PGM5: variants seen among roughly 807,000 people sequenced by gnomAD.
PGM5 encodes the protein phosphoglucomutase-like protein 5.
In PGM5, 23 loss-of-function variants were observed where a neutral mutation model predicts 59.2. The ratio of observed to expected loss-of-function variants is 0.39; its 90% CI spans 0.28 to 0.55. PGM5 has a LOEUF of 0.55. Ranked by LOEUF, PGM5 falls within the 20% of genes least tolerant of loss-of-function variation. The pLI is 0.66. For synonymous variants in PGM5, 214 were observed against 286.0 expected, an observed-to-expected ratio of 0.75 and a Z score of 2.54; for missense variants, 574 against 748.3, an observed-to-expected ratio of 0.77 and a Z score of 2.72.
intron 6 of PGM5, among the ~76,000 whole-genome samples, chr9:68,407,279 C>A (rs1822840437): frequency 6.6e-6 from 1 of 152,088 alleles, no homozygotes; most frequent in Non-Finnish European, 1.5e-5. Flanking sequence ...AGACATGCAC[C>A]ACCCTACCTG....
intron 9 of PGM5, chr9:68,498,974 A>G: frequency 2.4e-6 from 1 of 418,054 alleles, no homozygotes; most frequent in South Asian, 3.5e-5. Flanking sequence ...GAACTTGAGT[A>G]TCTGTTCACA....
At chr9:68,417,114 C>T (rs1823046088) in intron 6 of PGM5, among the ~76,000 whole-genome samples, 1 of 152,200 alleles carries the variant, frequency 6.6e-6, no homozygotes, top group Non-Finnish European at 1.5e-5. Context: ...ATAAGACAAA[C>T]ACTCTCTGAA....
chr9:68,403,449 C>A (rs1822719355), intron 6 of PGM5, among the ~76,000 whole-genome samples: 1 of 152,170 alleles, frequency 6.6e-6, no homozygotes, highest in Non-Finnish European at 1.5e-5. Flanking sequence ...CATCCTCCTC[C>A]CCCAGTCTGT....
chr9:68,521,618 A>G (rs1037377156), intron 10 of PGM5, among the ~76,000 whole-genome samples: 1 of 152,204 alleles, frequency 6.6e-6, no homozygotes. Flanking sequence ...ATACCCAATG[A>G]AGAGAAATGT....
intron 6 of PGM5, among the ~76,000 whole-genome samples, chr9:68,463,316 C>T (rs1418507025): frequency 6.6e-6 from 1 of 152,086 alleles, no homozygotes; most frequent in Non-Finnish European, 1.5e-5. Context: ...TACGGTCATC[C>T]CCTGCACTCA....
chr9:68,411,142 G>T (rs1822922739), intron 6 of PGM5, among the ~76,000 whole-genome samples: 1 of 152,082 alleles, frequency 6.6e-6, no homozygotes, highest in African/African-American at 2.4e-5. Flanking sequence ...CTTTGCTGAG[G>T]ACTAGGTACC....
chr9:68,499,321 G>A lies in PGM5; in HGVS notation c.1574G>A (p.Ser525Asn), dbSNP rs887925978. Residue 525 changes from serine to asparagine, a missense_variant, in exon 10 of 11, where the codon AGC (serine) becomes AAC (asparagine). Ser to Asn is a conservative substitution (Grantham distance 46, BLOSUM62 1). Around this residue, in one of 7 missense-constraint regions of PGM5, gnomAD observed 300 missense variants for 280.0 expected, o/e 1.07. Transcript: ENST00000396396. ...VRATLRLYAE[S>N]YERDPSGHDQ... ...GCCACCCTCAGACTGTACGCAGAGA[G>A]CTACGAGAGGGATCCCAGCGGCCAT... 2.5e-6 allele frequency: 4 copies of A among 1,614,148 alleles called. No individual in the cohort carries two copies. The highest frequency in any genetic ancestry group is 3.3e-5 in the Admixed American group (2 of 60,022).
intron 7 of PGM5, among the ~76,000 whole-genome samples, chr9:68,468,520 A>C (rs2132081516): frequency 6.6e-6 from 1 of 152,340 alleles, no homozygotes; most frequent in Admixed American, 6.5e-5. Context: ...TTTAGTAATA[A>C]GTATTTGCCT....
intron 6 of PGM5, among the ~76,000 whole-genome samples, chr9:68,403,254 G>A (rs1554680826): frequency 6.6e-6 from 1 of 152,166 alleles, no homozygotes; most frequent in Non-Finnish European, 1.5e-5. Flanking sequence ...TCTAATGCCT[G>A]ATGATCTGTC....
intron 6 of PGM5, among the ~76,000 whole-genome samples, chr9:68,462,679 T>A (rs189669230): frequency 1.3e-5 from 2 of 152,092 alleles, no homozygotes; most frequent in Admixed American, 1.3e-4. Context: ...AGAACATACA[T>A]CCCCACACCC....
chr9:68,463,192 T>C (rs548940680), intron 6 of PGM5, among the ~76,000 whole-genome samples: 50 of 152,124 alleles, frequency 3.3e-4, no homozygotes, highest in Non-Finnish European at 6.5e-4. Flanking sequence ...GTTTTTTTTT[T>C]TTTTCCTTAT....
intron 6 of PGM5, among the ~76,000 whole-genome samples, chr9:68,427,335 G>T (rs1024686108): frequency 1.3e-5 from 2 of 152,168 alleles, no homozygotes; most frequent in African/African-American, 4.8e-5. Context: ...AGATGGAGGT[G>T]ACAGAAGGGG....
intron 6 of PGM5, among the ~76,000 whole-genome samples, chr9:68,402,854 C>T (rs1256337747): frequency 6.6e-6 from 1 of 152,134 alleles, no homozygotes; most frequent in Non-Finnish European, 1.5e-5. Context: ...TAGCTCTCCC[C>T]ACCAAAAAAG....
chr9:68,530,753 T>G lies in PGM5; in HGVS notation c.*1097T>G, dbSNP rs1313681173. 1 of 152,232 alleles carries G rather than the reference T, an allele frequency of 6.6e-6. No individual in the cohort carries two copies. Among genetic ancestry groups the G allele is most frequent in the Non-Finnish European group, 1.5e-5 (1 of 68,076 alleles). 9.4% of individuals were successfully genotyped at this position (152,232 alleles called of 1,614,324 possible). A position where few individuals can be genotyped will look rare whatever the true frequency, so the allele number is the denominator to read the frequency against. ...AGCAGAGTGTCACAGCTGGCTTTCC[T>G]CACTTGGGAAAAGGGTACTGCCGGT... On this transcript the variant is annotated 3_prime_UTR_variant, in exon 11 of 11. Coordinates refer to ENST00000396396, the MANE Select transcript of PGM5 (RefSeq NM_021965.4).
At chr9:68,410,919 G>C (rs1188728498) in intron 6 of PGM5, among the ~76,000 whole-genome samples, 4 of 152,212 alleles carry the variant, frequency 2.6e-5, no homozygotes, top group Admixed American at 2.6e-4. Flanking sequence ...ATGTCTTCAA[G>C]GAACCAGGTT....
At chr9:68,372,310 A>G (rs1465670821) in intron 1 of PGM5, among the ~76,000 whole-genome samples, 1 of 150,710 alleles carries the variant, frequency 6.6e-6, no homozygotes, top group East Asian at 2.0e-4. Context: ...AGCAGAATAC[A>G]TTCCTTGGCT....
At chr9:68,511,819 T>A (rs1172834154) in intron 10 of PGM5, among the ~76,000 whole-genome samples, 1 of 152,184 alleles carries the variant, frequency 6.6e-6, no homozygotes, top group Non-Finnish European at 1.5e-5. Context: ...ATTCCCAGAT[T>A]ACTTAGCAAT....
chr9:68,515,864 C>T (rs1824815983), intron 10 of PGM5, among the ~76,000 whole-genome samples: 1 of 152,206 alleles, frequency 6.6e-6, no homozygotes, highest in African/African-American at 2.4e-5. Flanking sequence ...GTCCACTCAC[C>T]TGTAGCCTAC....
intron 6 of PGM5, among the ~76,000 whole-genome samples, chr9:68,411,099 G>A (rs1822921996): frequency 6.6e-6 from 1 of 152,152 alleles, no homozygotes; most frequent in Admixed American, 6.5e-5. Context: ...AAGTCCTCCT[G>A]TGCCATATTT....
Sources: allele counts gnomAD v4.1 joint callset (sites outside exome capture counted in the v4.1 genomes callset), GRCh38; gene constraint gnomAD v4.1.1; regional missense constraint gnomAD v4.1.1; transcripts MANE v1.5; gene names NCBI Gene and HGNC (gene_info 2026-07-23, HGNC 2026-07-21).